The following MGAT4A variants were observed in gnomAD, a reference collection of about 807,000 sequenced individuals.
The protein encoded by MGAT4A is N-acetylglucosaminyltransferase IVa.
Under a neutral mutation model 74.1 loss-of-function variants are expected in MGAT4A, and 33 were observed. That is an observed-to-expected ratio of 0.45 (90% CI 0.34 to 0.60). The LOEUF (loss-of-function observed/expected upper bound fraction) is 0.60. Among genes scored for constraint, MGAT4A ranks in the 20% least tolerant of loss-of-function variants. The pLI is 0.02. For synonymous variants in MGAT4A, 198 were observed against 210.4 expected (o/e 0.94, Z 0.51); for missense variants, 479 against 628.3 (o/e 0.76, Z 2.54).
At chr2:98,638,658 C>G (rs1194683074) in intron 12 of MGAT4A, among the ~76,000 whole-genome samples, 1 of 152,230 alleles carries the variant, frequency 6.6e-6, no homozygotes, top group African/African-American at 2.4e-5. Context: ...CATGCAAGTG[C>G]AAAATATTAT....
chr2:98,664,503 A>G (rs1373667903), intron 4 of MGAT4A, among the ~76,000 whole-genome samples: 1 of 152,194 alleles, frequency 6.6e-6, no homozygotes, highest in African/African-American at 2.4e-5. Flanking sequence ...AAATGCACGC[A>G]CCTCAAAATA....
At chr2:98,656,150 T>G in intron 7 of MGAT4A, 1 of 489,418 alleles carries the variant, frequency 2.0e-6, no homozygotes, top group Non-Finnish European at 3.6e-6. Context: ...GAAAACACAG[T>G]AAAATAAAAG....
intron 14 of MGAT4A, among the ~76,000 whole-genome samples, chr2:98,632,766 C>T (rs571633442): frequency 1.3e-5 from 2 of 152,124 alleles, no homozygotes; most frequent in South Asian, 4.1e-4. Context: ...TGGTTTTTGT[C>T]TTGTTTTGTT....
At position 98,622,730 on chromosome 2, in the gene MGAT4A, G is replaced by T. The variant is rs1701079092; in HGVS notation, c.*2836C>A. ...AGAGGACAGATGAGCAGTATGAGCT[G>T]CAGGCTCGCCTCAGGAACCTGAAAT... On this transcript the variant is annotated 3_prime_UTR_variant, in exon 16 of 16. Coordinates refer to ENST00000393487, the MANE Select transcript of MGAT4A (RefSeq NM_012214.3). 4 of 985,734 alleles carry T rather than the reference G, an allele frequency of 4.1e-6. No individual in the cohort carries two copies. The highest frequency in any genetic ancestry group is 9.4e-5 in the South Asian group (2 of 21,300). The allele number at this position is 985,734 out of a possible 1,614,324, so 61.1% of individuals were successfully genotyped here.
At position 98,625,584 on chromosome 2, in the gene MGAT4A, A is replaced by C. The variant is rs1701132867; in HGVS notation, c.1590T>G (p.Ile530Met). The C allele has an allele frequency of 1.2e-6, 2 of 1,608,440 alleles. No homozygotes were observed. Among genetic ancestry groups the C allele is most frequent in the Non-Finnish European group, 1.7e-6 (2 of 1,177,738 alleles). The change falls in exon 16 of 16, where the codon ATT becomes ATG. Residue 530 changes from isoleucine (I) to methionine (M), a missense_variant. Physicochemically the swap from Ile to Met is conservative, Grantham distance 10. Coordinates refer to ENST00000393487, the MANE Select transcript of MGAT4A (RefSeq NM_012214.3). The stretch of plus-strand genomic sequence containing the variant: ...CAGATGATCAGTTGGTGGCTTTTTT[A>C]ATATGAATCTGAAATACAAAATCAT... ...AVWAILNEIH[I>M]KKATN
At chr2:98,634,551 A>G (rs1701289047) in intron 14 of MGAT4A, among the ~76,000 whole-genome samples, 1 of 151,858 alleles carries the variant, frequency 6.6e-6, no homozygotes, top group African/African-American at 2.4e-5. Flanking sequence ...CAGTGGCTCT[A>G]GAAAGCCACA....
At chr2:98,651,779 G>A (rs1314781837) in intron 8 of MGAT4A, among the ~76,000 whole-genome samples, 1 of 152,114 alleles carries the variant, frequency 6.6e-6, no homozygotes, top group Non-Finnish European at 1.5e-5. Flanking sequence ...AGGCCAAATG[G>A]AAATTTTTAA....
intron 1 of MGAT4A, among the ~76,000 whole-genome samples, chr2:98,729,855 T>A (rs1702819475): frequency 6.6e-6 from 1 of 152,234 alleles, no homozygotes. Context: ...ATCCATGACG[T>A]AAGCCTATAT....
At chr2:98,685,299 C>T (rs1160650344) in intron 2 of MGAT4A, among the ~76,000 whole-genome samples, 2 of 149,540 alleles carry the variant, frequency 1.3e-5, no homozygotes, top group Admixed American at 6.7e-5. Context: ...TGAACGGATA[C>T]AATTCTTTCC....
At chr2:98,648,899 G>T (rs994737701) in intron 8 of MGAT4A, among the ~76,000 whole-genome samples, 2 of 101,120 alleles carry the variant, frequency 2.0e-5, no homozygotes, top group African/African-American at 1.6e-4. Flanking sequence ...AACCCAGTAT[G>T]GTGGTGCATG....
At chr2:98,680,591 C>A (rs1431500429) in intron 2 of MGAT4A, among the ~76,000 whole-genome samples, 1 of 152,044 alleles carries the variant, frequency 6.6e-6, no homozygotes, top group Non-Finnish European at 1.5e-5. Context: ...ACCGTATTTG[C>A]GTTAATTTGC....
At chr2:98,726,205 A>G in intron 2 of MGAT4A, 34 bp downstream of exon 2, 2 of 1,580,558 alleles carry the variant, frequency 1.3e-6, no homozygotes, top group South Asian at 1.1e-5. Context: ...ACCCTAGTAC[A>G]TTTCATGCAC....
In MGAT4A at chr2:98,623,117, C is replaced by A. The variant is rs1575236317; in HGVS notation, c.*2449G>T. On this transcript the variant is annotated 3_prime_UTR_variant, in exon 16 of 16. Transcript: ENST00000393487. Reference sequence around the variant, plus strand: ...CTGGCCACCTGCCACGTGCCTGGCACACACCCTAGGCACGGGTAGATTCAT... The same window carrying A: ...CTGGCCACCTGCCACGTGCCTGGCAAACACCCTAGGCACGGGTAGATTCAT... 1.0e-6 allele frequency: 1 copy of A among 985,364 alleles called. No homozygotes were observed. Among genetic ancestry groups the A allele is most frequent in the East Asian group, 1.1e-4 (1 of 8,840 alleles). The allele number at this position is 985,364 out of a possible 1,614,324, so 61.0% of individuals were successfully genotyped here. A position where few individuals can be genotyped will look rare whatever the true frequency, so the allele number is the denominator to read the frequency against.
intron 3 of MGAT4A, among the ~76,000 whole-genome samples, chr2:98,678,102 C>A (rs1396158374): frequency 6.6e-6 from 1 of 150,840 alleles, no homozygotes; most frequent in Non-Finnish European, 1.5e-5. Context: ...TGGTGGCGGG[C>A]GCCTGTAGTC....
intron 1 of MGAT4A, among the ~76,000 whole-genome samples, chr2:98,729,756 G>A (rs1004620230): frequency 2.6e-5 from 4 of 152,178 alleles, no homozygotes; most frequent in South Asian, 4.1e-4. Context: ...CGAACGTTTG[G>A]CATCTTCCTT....
intron 1 of MGAT4A, among the ~76,000 whole-genome samples, 187 bp downstream of exon 1, chr2:98,730,861 G>A (rs1016925578): frequency 2.8e-5 from 4 of 142,740 alleles, no homozygotes; most frequent in Admixed American, 2.8e-4. Flanking sequence ...GGCGCCAACA[G>A]CTCCCCCGCA....
intron 14 of MGAT4A, among the ~76,000 whole-genome samples, chr2:98,628,338 T>G (rs1575238815): frequency 6.6e-6 from 1 of 152,252 alleles, no homozygotes; most frequent in African/African-American, 2.4e-5. Flanking sequence ...CCAATGTCCT[T>G]AAGTCTTCAA....
chr2:98,634,259 C>T (rs1474279437), intron 14 of MGAT4A, among the ~76,000 whole-genome samples: 3 of 152,036 alleles, frequency 2.0e-5, no homozygotes, highest in South Asian at 2.1e-4. Flanking sequence ...AAGGCACATA[C>T]GGGGGGATCT....
At chr2:98,719,569 A>G (rs1188288418) in intron 2 of MGAT4A, among the ~76,000 whole-genome samples, 1 of 152,266 alleles carries the variant, frequency 6.6e-6, no homozygotes, top group Non-Finnish European at 1.5e-5. Flanking sequence ...CCAATACACC[A>G]AACGGGGAAA....
Sources: allele counts gnomAD v4.1 joint callset (sites outside exome capture counted in the v4.1 genomes callset), GRCh38; gene constraint gnomAD v4.1.1; transcripts MANE v1.5; gene names NCBI Gene and HGNC (gene_info 2026-07-23, HGNC 2026-07-21).